The following UBE2K variants were observed in gnomAD, a reference collection of about 807,000 sequenced individuals.
The protein encoded by UBE2K is ubiquitin-conjugating enzyme E2 K.
Under a neutral mutation model 30.0 loss-of-function variants are expected in UBE2K, and 6 were observed. The observed-to-expected ratio is 0.20, with a 90% CI of 0.11 to 0.39. The LOEUF (loss-of-function observed/expected upper bound fraction) is 0.39, where lower values mean the gene tolerates loss of function less well. UBE2K is among the 10% of genes least tolerant of loss of function. The pLI is 1.00. For synonymous variants in UBE2K, 86 were observed against 83.7 expected (o/e 1.03, Z -0.15); for missense variants, 61 against 241.6 (o/e 0.25, Z 4.96).
intron 1 of UBE2K, among the ~76,000 whole-genome samples, chr4:39,728,615 C>T (rs909702431): frequency 6.6e-6 from 1 of 151,042 alleles, no homozygotes; most frequent in Non-Finnish European, 1.5e-5. Context: ...CCTCCCCTTC[C>T]TCCTGCCTTT....
intron 4 of UBE2K, among the ~76,000 whole-genome samples, chr4:39,759,659 T>C (rs148354011): frequency 7.7e-4 from 118 of 152,346 alleles, no homozygotes; most frequent in Non-Finnish European, 1.1e-3. Context: ...ACACTTACTA[T>C]GACTAATGGT....
In UBE2K at chr4:39,772,397, CAAAAAA is replaced by C. The variant is rs34937270; in HGVS notation, c.300-2424_300-2419del. ...TAACATGGTGAAACCCTGTCTCTAC[CAAAAAA>C]AAAAAAAAAAAATTGTTTTTAATTA... On this transcript the variant is annotated intron_variant, in intron 4 of 6. Coordinates refer to ENST00000261427, the MANE Select transcript of UBE2K (RefSeq NM_005339.5). Among the ~76,000 whole-genome samples, 25 of 127,224 alleles carry C rather than the reference CAAAAAA, an allele frequency of 2.0e-4. No homozygotes were observed. In the South Asian group the frequency reaches 5.0e-3, roughly 25 times the overall value. The allele number at this position is 127,224 out of a possible 152,430, so 83.5% of individuals were successfully genotyped here.
chr4:39,740,996 G>A (rs561597645), intron 2 of UBE2K, among the ~76,000 whole-genome samples: 64 of 150,976 alleles, frequency 4.2e-4, no homozygotes, highest in Non-Finnish European at 9.0e-4. Context: ...TATCTGCCTG[G>A]GCGGGGTGGC....
At chr4:39,705,914 A>T (rs1179720962) in intron 1 of UBE2K, among the ~76,000 whole-genome samples, 2 of 145,934 alleles carry the variant, frequency 1.4e-5, no homozygotes, top group African/African-American at 5.0e-5. Context: ...CAGTGGCGCG[A>T]TCTCAGCTCA....
intron 2 of UBE2K, among the ~76,000 whole-genome samples, chr4:39,741,283 T>C (rs187147553): frequency 6.6e-5 from 10 of 151,908 alleles, no homozygotes; most frequent in Admixed American, 1.3e-4. Flanking sequence ...AAAAAAAAAG[T>C]GCTTATTTCT....
chr4:39,766,188 TTTTG>T (rs1712325251), intron 4 of UBE2K, among the ~76,000 whole-genome samples: 2 of 142,196 alleles, frequency 1.4e-5, no homozygotes, highest in Non-Finnish European at 3.0e-5. Flanking sequence ...TGTTTTTGTT[TTTTG>T]TTTTTTTTTG....
At chr4:39,716,291 G>A (rs568628714) in intron 1 of UBE2K, among the ~76,000 whole-genome samples, 1 of 146,276 alleles carries the variant, frequency 6.8e-6, no homozygotes, top group Admixed American at 6.9e-5. Flanking sequence ...TATCATCCAG[G>A]CTGGGGTGCC....
At chr4:39,711,567 C>T (rs570381512) in intron 1 of UBE2K, among the ~76,000 whole-genome samples, 1 of 151,986 alleles carries the variant, frequency 6.6e-6, no homozygotes, top group South Asian at 2.1e-4. Context: ...CTATTGATGG[C>T]ATTTAATTCC....
intron 1 of UBE2K, among the ~76,000 whole-genome samples, chr4:39,720,908 T>TAATTATTTTTA (rs1255073351): frequency 2.0e-5 from 3 of 152,100 alleles, no homozygotes. Flanking sequence ...TGTGCCCAGT[T>TAATTATTTTTA]AATTATTTTT....
Position 39,781,921 on chromosome 4 carries a change from A to G in UBE2K, c.*3487A>G. 5.0e-6 allele frequency: 2 copies of G among 398,466 alleles called. No individual in the cohort carries two copies. The highest frequency in any genetic ancestry group is 8.9e-6 in the Non-Finnish European group (2 of 225,920). 24.7% of individuals were successfully genotyped at this position (398,466 alleles called of 1,614,324 possible). A position where few individuals can be genotyped will look rare whatever the true frequency, so the allele number is the denominator to read the frequency against. ...AGTTGCTGTCACTGGGAAGAAGGCA[A>G]CTTGAAGTATTTACTGATAAAATAG... On this transcript the variant is annotated 3_prime_UTR_variant, in exon 7 of 7. Transcript: ENST00000261427.
intron 1 of UBE2K, among the ~76,000 whole-genome samples, chr4:39,714,979 C>T (rs1348346682): frequency 6.6e-6 from 1 of 151,824 alleles, no homozygotes; most frequent in Admixed American, 6.6e-5. Flanking sequence ...TCAGCCCAGC[C>T]TCCTGAGTAG....
At chr4:39,731,811 A>C (rs1720088728) in intron 1 of UBE2K, among the ~76,000 whole-genome samples, 1 of 152,360 alleles carries the variant, frequency 6.6e-6, no homozygotes, top group East Asian at 1.9e-4. Flanking sequence ...CAACTAAATT[A>C]GGAAGAACTA....
rs754324965 is a variant in UBE2K at position 39,703,535 on chromosome 4, C to T, written c.63+5145C>T. Among the ~76,000 whole-genome samples the T allele has an allele frequency of 4.2e-4, 64 of 151,992 alleles. 1 individual carries two copies. The highest frequency in any genetic ancestry group is 6.0e-4 in the Non-Finnish European group (41 of 67,926). On this transcript the variant is annotated intron_variant, in intron 1 of 6. Coordinates refer to ENST00000261427, the MANE Select transcript of UBE2K (RefSeq NM_005339.5). The stretch of plus-strand genomic sequence containing the variant: ...CATAAATGAAAAAAGAAAATGATTC[C>T]TGGCTATTTATTAACTATATAAGAA...
At position 39,701,630 on chromosome 4, in the gene UBE2K, T is replaced by A. The variant is rs553242366; in HGVS notation, c.63+3240T>A. On this transcript the variant is annotated intron_variant, in intron 1 of 6. Coordinates refer to ENST00000261427, the MANE Select transcript of UBE2K (RefSeq NM_005339.5). ...AGGATAGGCATGCTTTTAATTAATT[T>A]AAAAAATCGAGCCTGGTTTGTATTA... 2.0e-5 allele frequency among the ~76,000 whole-genome samples: 3 copies of A among 152,266 alleles called. No homozygotes were observed. In the South Asian group the frequency reaches 6.2e-4, roughly 32 times the overall value.
intron 1 of UBE2K, chr4:39,714,540 A>ATTT (rs1316202885): frequency 4.4e-4 from 9 of 20,554 alleles, no homozygotes; most frequent in African/African-American, 1.1e-3. Flanking sequence ...ATATATATAT[A>ATTT]TATATATATA....
intron 4 of UBE2K, 135 bp downstream of exon 4, chr4:39,755,874 T>A (rs1309893672): frequency 5.1e-6 from 3 of 590,200 alleles, no homozygotes; most frequent in Middle Eastern, 2.9e-4. Context: ...GTCTCTTAAG[T>A]GCATAACTGA....
intron 1 of UBE2K, among the ~76,000 whole-genome samples, chr4:39,705,197 T>G (rs867407366): frequency 7.2e-6 from 1 of 139,188 alleles, no homozygotes; most frequent in Non-Finnish European, 1.6e-5. Flanking sequence ...CACCTGGGTT[T>G]TTTTTTTTTT....
At chr4:39,771,063 C>T in intron 4 of UBE2K, 1 of 1,612,480 alleles carries the variant, frequency 6.2e-7, no homozygotes, top group Non-Finnish European at 8.5e-7. Flanking sequence ...GCTCAGTGAA[C>T]TGGCTGAGGG....
chr4:39,737,029 G>A (rs1200999065), intron 1 of UBE2K, among the ~76,000 whole-genome samples: 3 of 152,164 alleles, frequency 2.0e-5, no homozygotes, highest in African/African-American at 7.2e-5. Flanking sequence ...CAGAACCCAT[G>A]TATCGTGGGG....
Sources: allele counts gnomAD v4.1 joint callset (sites outside exome capture counted in the v4.1 genomes callset), GRCh38; gene constraint gnomAD v4.1.1; transcripts MANE v1.5; gene names NCBI Gene and HGNC (gene_info 2026-07-23, HGNC 2026-07-21).